ZFC3H1: variants seen among roughly 807,000 people sequenced by gnomAD.
The protein encoded by ZFC3H1 is zinc finger C3H1 domain-containing protein.
Under a neutral mutation model 243.7 loss-of-function variants are expected in ZFC3H1, and 71 were observed. That is an observed-to-expected ratio of 0.29 (90% confidence interval 0.24 to 0.36). The LOEUF is 0.36. Among genes scored for constraint, ZFC3H1 ranks in the 10% least tolerant of loss-of-function variants. The pLI is 1.00. For missense variants in ZFC3H1, 1,966 were observed against 2,317.1 expected (o/e 0.85, Z 3.11); for synonymous variants, 838 against 813.0 (o/e 1.03, Z -0.52).
At chr12:71,618,040 G>A (rs756900064) in intron 27 of ZFC3H1, among the ~76,000 whole-genome samples, 3 of 152,024 alleles carry the variant, frequency 2.0e-5, no homozygotes, top group Non-Finnish European at 2.9e-5. Context: ...CAAGGCAGGC[G>A]GATTGCCTGA....
intron 20 of ZFC3H1, among the ~76,000 whole-genome samples, chr12:71,628,145 C>T (rs1361665667): frequency 6.6e-6 from 1 of 152,142 alleles, no homozygotes; most frequent in African/African-American, 2.4e-5. Flanking sequence ...CTAAAAATTA[C>T]ACCAGAACAA....
At chr12:71,644,344 T>A (rs746137314) in intron 4 of ZFC3H1, 26 bp from the exon 5 acceptor site, 1 of 1,599,188 alleles carries the variant, frequency 6.3e-7, no homozygotes, top group East Asian at 2.2e-5. Flanking sequence ...ACATAAACAT[T>A]AGCATCTGTT....
chr12:71,626,737 T>C (rs1880177183), intron 21 of ZFC3H1, among the ~76,000 whole-genome samples: 1 of 152,234 alleles, frequency 6.6e-6, no homozygotes. Flanking sequence ...CAAATGTGCT[T>C]TATGTCCATA....
At position 71,663,101 on chromosome 12, in the gene ZFC3H1, C is replaced by T. The variant is rs374959181; in HGVS notation, c.510G>A (p.Pro170=). The change falls in exon 1 of 35, where the codon CCG becomes CCA. Residue 170 remains proline, a synonymous_variant. Coordinates refer to ENST00000378743, the MANE Select transcript of ZFC3H1 (RefSeq NM_144982.5). ...CTCCTCCCAGAGGAGGTCTGCACCC[C>T]GGCTTGCCTCCTCGCTCACCCACTC... The part of the protein sequence containing the change: ...GRGVGERGGK[P]GCRPPLGGGA... The T allele has an allele frequency of 1.1e-4, 178 of 1,613,976 alleles. No homozygotes were observed. The highest frequency in any genetic ancestry group is 1.4e-4 in the Non-Finnish European group (165 of 1,180,040).
At chr12:71,612,672 G>A (rs542396112) in intron 31 of ZFC3H1, among the ~76,000 whole-genome samples, 16 of 152,268 alleles carry the variant, frequency 1.1e-4, no homozygotes, top group African/African-American at 3.6e-4. Flanking sequence ...GGCATCTTAT[G>A]ATCCATAAAA....
intron 5 of ZFC3H1, among the ~76,000 whole-genome samples, chr12:71,643,763 T>G (rs1260711877): frequency 1.3e-5 from 2 of 152,226 alleles, no homozygotes; most frequent in African/African-American, 4.8e-5. Flanking sequence ...TCTACATTAC[T>G]AAACAATGAA....
At chr12:71,659,985 G>A (rs1258699745) in intron 1 of ZFC3H1, among the ~76,000 whole-genome samples, 1 of 152,114 alleles carries the variant, frequency 6.6e-6, no homozygotes, top group Non-Finnish European at 1.5e-5. Flanking sequence ...AATTAAGGGT[G>A]AAAATAAGAA....
chr12:71,654,662 G>T (rs1880972130), intron 2 of ZFC3H1, among the ~76,000 whole-genome samples: 2 of 151,674 alleles, frequency 1.3e-5, no homozygotes, highest in African/African-American at 4.8e-5. Context: ...AAAAAATTGT[G>T]TGAAGAAAAA....
chr12:71,625,162 A>G (rs963344358), intron 22 of ZFC3H1, among the ~76,000 whole-genome samples: 4 of 152,188 alleles, frequency 2.6e-5, no homozygotes, highest in African/African-American at 9.6e-5. Context: ...TCTGTTCACT[A>G]CCTGAGTTCA....
At chr12:71,644,577 G>A (rs1880680074) in intron 4 of ZFC3H1, among the ~76,000 whole-genome samples, 1 of 152,184 alleles carries the variant, frequency 6.6e-6, no homozygotes, top group African/African-American at 2.4e-5. Context: ...AGCACTTTGG[G>A]AGGCTGAGGC....
Position 71,645,040 on chromosome 12 carries a change from T to C in ZFC3H1, c.1116A>G (p.Leu372=). The change falls in exon 4 of 35, where the codon TTA becomes TTG. Residue 372 remains leucine, a synonymous_variant. Coordinates refer to ENST00000378743, the MANE Select transcript of ZFC3H1 (RefSeq NM_144982.5). ...LGEDEEELSE[L]QLRLLALQSA... The stretch of plus-strand genomic sequence containing the variant: ...ACTGAAGAGCCAAAAGGCGAAGCTG[T>C]AATTCAGATAGTTCCTCTTCATCTT... The C allele has an allele frequency of 6.2e-7, 1 of 1,613,344 alleles. No individual in the cohort carries two copies. Among genetic ancestry groups the C allele is most frequent in the Non-Finnish European group, 8.5e-7 (1 of 1,179,896 alleles).
chr12:71,623,323 A>G (rs1475300133), intron 24 of ZFC3H1, 37 bp downstream of exon 24: 12 of 1,501,222 alleles, frequency 8.0e-6, no homozygotes, highest in East Asian at 2.3e-5. Context: ...CTGATGTTAT[A>G]ACAGTTGATA....
At position 71,614,653 on chromosome 12, in the gene ZFC3H1, A is replaced by G; in HGVS notation, c.5408T>C (p.Val1803Ala). Residue 1803 changes from valine to alanine, a missense_variant, in exon 30 of 35, where the codon GTT (valine) becomes GCT (alanine). Transcript: ENST00000378743. Reference sequence around the variant, plus strand: ...ATCAGTAAAAAATTTGAATTCTTGAACTTTGTTTCTGGATCCAGCAGCTCT... The same window carrying G: ...ATCAGTAAAAAATTTGAATTCTTGAGCTTTGTTTCTGGATCCAGCAGCTCT... ...NNRAAGSRNKVQEFKFFTDLV... is the reference protein window; with the variant it reads ...NNRAAGSRNKAQEFKFFTDLV... 6.2e-7 allele frequency: 1 copy of G among 1,612,764 alleles called. No individual in the cohort carries two copies. The highest frequency in any genetic ancestry group is 8.5e-7 in the Non-Finnish European group (1 of 1,179,504).
In ZFC3H1 at chr12:71,630,903, T is replaced by C. The variant is rs757692157; in HGVS notation, c.3522A>G (p.Ser1174=). 1.4e-5 allele frequency: 22 copies of C among 1,613,346 alleles called. No individual in the cohort carries two copies. The highest frequency in any genetic ancestry group is 1.8e-5 in the Non-Finnish European group (21 of 1,179,576). The change falls in exon 17 of 35, where the codon TCA becomes TCG. Residue 1174 remains serine, a synonymous_variant. Coordinates refer to ENST00000378743, the MANE Select transcript of ZFC3H1 (RefSeq NM_144982.5). ...GATCCGGTTCAATCATATTACTGTATGATACTGAGCTCAGGGGAAGTTTTT... is the reference window on the plus strand; with the variant it reads ...GATCCGGTTCAATCATATTACTGTACGATACTGAGCTCAGGGGAAGTTTTT... ...TKEKLPLSSV[S]YSNMIEPDQC...
At chr12:71,660,763 AACT>A (rs1881148159) in intron 1 of ZFC3H1, among the ~76,000 whole-genome samples, 1 of 152,086 alleles carries the variant, frequency 6.6e-6, no homozygotes, top group Admixed American at 6.6e-5. Flanking sequence ...ACTAAACTGC[AACT>A]ACTTATTTTC....
chr12:71,629,906 T>C (rs1466231726), intron 18 of ZFC3H1, among the ~76,000 whole-genome samples, 196 bp from the exon 19 acceptor site: 1 of 149,616 alleles, frequency 6.7e-6, no homozygotes, highest in Non-Finnish European at 1.5e-5. Flanking sequence ...ATATACCCCA[T>C]TTGGGATTAA....
intron 6 of ZFC3H1, chr12:71,639,483 T>A (rs1054613460): frequency 3.4e-5 from 7 of 204,620 alleles, no homozygotes; most frequent in Non-Finnish European, 5.0e-5. Context: ...AGTCAGACAC[T>A]TGATGGTGCT....
Position 71,649,631 on chromosome 12 carries a change from T to C in ZFC3H1, c.1016-1818A>G, listed in dbSNP as rs78025530. 1.9e-3 allele frequency among the ~76,000 whole-genome samples: 284 copies of C among 152,312 alleles called. 1 individual carries two copies. Among genetic ancestry groups the C allele is most frequent in the Middle Eastern group, 6.8e-3 (2 of 294 alleles). ...GTGTGGTAATTTTGGGAAATGCATA[T>C]GTCCCACTGTAGAAAAAATGATCAC... On this transcript the variant is annotated intron_variant, in intron 2 of 34. Coordinates refer to ENST00000378743, the MANE Select transcript of ZFC3H1 (RefSeq NM_144982.5).
chr12:71,640,439 C>G (rs1023794355), intron 6 of ZFC3H1, among the ~76,000 whole-genome samples: 4 of 152,244 alleles, frequency 2.6e-5, no homozygotes, highest in Non-Finnish European at 5.9e-5. Flanking sequence ...ATGCAGAGGC[C>G]AAGATGTGGG....
Sources: allele counts gnomAD v4.1 joint callset (sites outside exome capture counted in the v4.1 genomes callset), GRCh38; gene constraint gnomAD v4.1.1; transcripts MANE v1.5; gene names NCBI Gene and HGNC (gene_info 2026-07-23, HGNC 2026-07-21).